DPYD: variants seen among roughly 807,000 people sequenced by gnomAD.
The protein encoded by DPYD is dihydropyrimidine dehydrogenase.
DPYD carries 109 observed loss-of-function variants against 116.2 expected under a neutral mutation model. The observed-to-expected ratio is 0.94, with a 90% CI of 0.80 to 1.10. DPYD has a LOEUF of 1.10. DPYD is among the 50% of genes least tolerant of loss of function. DPYD has a pLI of 0.00. For missense variants in DPYD, 1,302 were observed against 1,254.5 expected (o/e 1.04, Z -0.57); for synonymous variants, 440 against 432.0 (o/e 1.02, Z -0.23).
intron 16 of DPYD, among the ~76,000 whole-genome samples, chr1:97,323,282 A>ATG (rs1460135929): frequency 4.7e-5 from 7 of 147,860 alleles, no homozygotes; most frequent in African/African-American, 1.5e-4. Flanking sequence ...ATGTACACGT[A>ATG]TATATACATA....
chr1:97,709,100 T>C (rs1662143104), intron 5 of DPYD, among the ~76,000 whole-genome samples: 1 of 151,980 alleles, frequency 6.6e-6, no homozygotes, highest in South Asian at 2.1e-4. Flanking sequence ...TTCTTCCTTC[T>C]CTGTATACAT....
In DPYD at chr1:97,896,455, ATT is replaced by A. The variant is rs1673076071; in HGVS notation, c.40-13083_40-13082del. Among the ~76,000 whole-genome samples, 4 of 151,764 alleles carry A rather than the reference ATT, an allele frequency of 2.6e-5. No individual in the cohort carries two copies. The South Asian group carries it at 8.3e-4, about 31-fold the overall frequency. ...GCATGTTACCCAACATTCTTTGTGC[ATT>A]GTTAGGTTTTACTTCTCCCCGTCTC... On this transcript the variant is annotated intron_variant, in intron 1 of 22. Transcript: ENST00000370192.
At chr1:97,249,003 T>C (rs1354900448) in intron 18 of DPYD, among the ~76,000 whole-genome samples, 1 of 151,836 alleles carries the variant, frequency 6.6e-6, no homozygotes, top group Non-Finnish European at 1.5e-5. Flanking sequence ...GACTCAATAC[T>C]GTTAAGATGT....
intron 3 of DPYD, among the ~76,000 whole-genome samples, chr1:97,764,918 T>G (rs1474320832): frequency 1.3e-5 from 2 of 152,232 alleles, no homozygotes; most frequent in South Asian, 2.1e-4. Context: ...AATAAATCAA[T>G]GAGATGTTAT....
intron 8 of DPYD, among the ~76,000 whole-genome samples, chr1:97,613,369 T>C (rs1460747823): frequency 6.6e-6 from 1 of 151,942 alleles, no homozygotes; most frequent in Non-Finnish European, 1.5e-5. Context: ...CAATCATAAC[T>C]CTCTGAAAAT....
intron 8 of DPYD, among the ~76,000 whole-genome samples, chr1:97,633,380 G>A (rs1657384571): frequency 6.6e-6 from 1 of 152,018 alleles, no homozygotes; most frequent in Non-Finnish European, 1.5e-5. Context: ...CTGGGCCTAG[G>A]GTAGTATTAA....
chr1:97,138,743 C>T (rs1653989099), intron 20 of DPYD, among the ~76,000 whole-genome samples: 1 of 152,048 alleles, frequency 6.6e-6, no homozygotes, highest in Admixed American at 6.6e-5. Context: ...AGTCTAGAAG[C>T]TTAGTTAATT....
At chr1:97,574,268 G>C (rs1453798184) in intron 10 of DPYD, among the ~76,000 whole-genome samples, 1 of 152,016 alleles carries the variant, frequency 6.6e-6, no homozygotes, top group Non-Finnish European at 1.5e-5. Flanking sequence ...TCTGACCATA[G>C]TAGCCTATTA....
chr1:97,635,918 C>T (rs1657531558), intron 8 of DPYD, among the ~76,000 whole-genome samples: 2 of 152,078 alleles, frequency 1.3e-5, no homozygotes, highest in South Asian at 2.1e-4. Flanking sequence ...TTCCTAGGCC[C>T]AAGCAATCTT....
At chr1:97,735,727 T>TAAATAAAA (rs1553230386) in intron 4 of DPYD, among the ~76,000 whole-genome samples, 4 of 130,948 alleles carry the variant, frequency 3.1e-5, no homozygotes, top group Non-Finnish European at 5.1e-5. Context: ...AATAAATAAA[T>TAAATAAAA]AAAACAATAA....
intron 18 of DPYD, among the ~76,000 whole-genome samples, chr1:97,250,953 T>C (rs1377731459): frequency 6.6e-6 from 1 of 152,198 alleles, no homozygotes; most frequent in African/African-American, 2.4e-5. Flanking sequence ...TAAAAATATA[T>C]GAATACATAA....
intron 8 of DPYD, among the ~76,000 whole-genome samples, chr1:97,625,041 C>T (rs1398456451): frequency 1.3e-5 from 2 of 151,788 alleles, no homozygotes; most frequent in African/African-American, 4.8e-5. Flanking sequence ...AGTTATACTG[C>T]ACAGCACAGT....
At chr1:97,221,628 A>G (rs1660779267) in intron 19 of DPYD, among the ~76,000 whole-genome samples, 1 of 152,272 alleles carries the variant, frequency 6.6e-6, no homozygotes, top group African/African-American at 2.4e-5. Flanking sequence ...ACCAAAGTCT[A>G]TAAAACATTG....
At chr1:97,312,205 A>C (rs1667562161) in intron 16 of DPYD, among the ~76,000 whole-genome samples, 1 of 151,884 alleles carries the variant, frequency 6.6e-6, no homozygotes, top group African/African-American at 2.4e-5. Context: ...GTAATTAGAA[A>C]AACAAAAGAA....
intron 8 of DPYD, among the ~76,000 whole-genome samples, chr1:97,643,747 G>C (rs995879498): frequency 6.6e-6 from 1 of 152,174 alleles, no homozygotes; most frequent in Non-Finnish European, 1.5e-5. Flanking sequence ...GGAATACTAT[G>C]CAGCCATAAA....
intron 1 of DPYD, among the ~76,000 whole-genome samples, chr1:97,917,533 T>C (rs2101720580): frequency 6.6e-6 from 1 of 152,338 alleles, no homozygotes; most frequent in African/African-American, 2.4e-5. Context: ...ACAGTATCAG[T>C]AATTCCGAAA....
At chr1:97,393,719 G>C (rs1291943982) in intron 14 of DPYD, among the ~76,000 whole-genome samples, 3 of 151,904 alleles carry the variant, frequency 2.0e-5, no homozygotes, top group Non-Finnish European at 4.4e-5. Context: ...TTGGTTCCAA[G>C]TCTGCTATTG....
intron 15 of DPYD, among the ~76,000 whole-genome samples, chr1:97,380,354 A>C (rs1266628080): frequency 6.6e-6 from 1 of 152,200 alleles, no homozygotes; most frequent in Non-Finnish European, 1.5e-5. Flanking sequence ...GGATCAAGAA[A>C]ACTAACTAGA....
At chr1:97,173,409 T>C (rs57575844) in intron 20 of DPYD, among the ~76,000 whole-genome samples, 1 of 148,308 alleles carries the variant, frequency 6.7e-6, no homozygotes, top group African/African-American at 2.5e-5. Flanking sequence ...TGTATATACG[T>C]ACGTACATAT....
Sources: gnomAD v4.1 joint callset for allele counts (sites outside exome capture counted in the v4.1 genomes callset) on GRCh38, gnomAD v4.1.1 for gene constraint, MANE v1.5 for transcripts, NCBI Gene and HGNC (gene_info 2026-07-23, HGNC 2026-07-21) for gene names.